Variants in NKAIN2 observed in about 807,000 individuals in gnomAD.
NKAIN2 encodes sodium/potassium transporting ATPase interacting 2.
In NKAIN2, 14 loss-of-function variants were observed where a neutral mutation model predicts 32.6. The observed-to-expected ratio is 0.43, with a 90% CI of 0.28 to 0.67. The LOEUF (loss-of-function observed/expected upper bound fraction) is 0.67, where lower values mean the gene tolerates loss of function less well. NKAIN2 is among the 30% of genes least tolerant of loss of function. NKAIN2 has a pLI of 0.17. For missense variants in NKAIN2, 198 were observed against 258.3 expected (o/e 0.77, Z 1.60); for synonymous variants, 80 against 87.2 (o/e 0.92, Z 0.46).
At chr6:124,126,392 C>G (rs1251055758) in intron 1 of NKAIN2, among the ~76,000 whole-genome samples, 1 of 152,134 alleles carries the variant, frequency 6.6e-6, no homozygotes, top group Non-Finnish European at 1.5e-5. Context: ...CCTTCATTCT[C>G]CCTCTTACTT....
chr6:124,104,985 T>C (rs138858538), intron 1 of NKAIN2, among the ~76,000 whole-genome samples: 50 of 152,272 alleles, frequency 3.3e-4, no homozygotes, highest in Non-Finnish European at 4.4e-4. Flanking sequence ...CTGTCAATGT[T>C]GGACTTTGAA....
At chr6:124,345,086 A>C (rs191472056) in intron 2 of NKAIN2, among the ~76,000 whole-genome samples, 2 of 152,258 alleles carry the variant, frequency 1.3e-5, no homozygotes, top group South Asian at 2.1e-4. Context: ...ATCTATTGAG[A>C]TAATCATGTG....
chr6:124,265,283 C>T (rs573327578), intron 1 of NKAIN2, among the ~76,000 whole-genome samples: 347 of 151,522 alleles, frequency 2.3e-3, no homozygotes, highest in African/African-American at 8.0e-3. Flanking sequence ...TTTTTAACAA[C>T]GGAAACAAAC....
intron 1 of NKAIN2, among the ~76,000 whole-genome samples, chr6:124,234,209 A>G (rs995380335): frequency 9.2e-5 from 14 of 152,132 alleles, no homozygotes; most frequent in Admixed American, 7.2e-4. Context: ...TGAACATGAC[A>G]CTTCAATGCT....
At chr6:124,403,818 C>T (rs1004705873) in intron 3 of NKAIN2, among the ~76,000 whole-genome samples, 9 of 152,160 alleles carry the variant, frequency 5.9e-5, no homozygotes, top group Non-Finnish European at 4.4e-5. Context: ...CTGTTAAACA[C>T]ATCCTTTGAA....
intron 5 of NKAIN2, among the ~76,000 whole-genome samples, chr6:124,795,178 C>T (rs1562387584): frequency 6.6e-6 from 1 of 152,144 alleles, no homozygotes; most frequent in East Asian, 1.9e-4. Context: ...TGAGGAACAG[C>T]GGACAGTTTT....
intron 4 of NKAIN2, among the ~76,000 whole-genome samples, chr6:124,762,806 G>C (rs1378001610): frequency 6.6e-6 from 1 of 152,156 alleles, no homozygotes; most frequent in East Asian, 1.9e-4. Flanking sequence ...GACTATCGGA[G>C]AGCGTTGGTT....
At chr6:124,700,342 T>G (rs1338387427) in intron 4 of NKAIN2, among the ~76,000 whole-genome samples, 1 of 152,190 alleles carries the variant, frequency 6.6e-6, no homozygotes, top group Non-Finnish European at 1.5e-5. Flanking sequence ...TTAGTATTAC[T>G]TCTGTTCGCT....
chr6:124,553,338 G>A (rs543955872), intron 3 of NKAIN2, among the ~76,000 whole-genome samples: 13 of 152,110 alleles, frequency 8.5e-5, no homozygotes, highest in African/African-American at 2.6e-4. Context: ...ACAGAGTTTC[G>A]CTCTTGTTGC....
chr6:124,702,768 T>C (rs1487170533), intron 4 of NKAIN2, among the ~76,000 whole-genome samples: 2 of 152,024 alleles, frequency 1.3e-5, no homozygotes. Flanking sequence ...ACATCGGTCA[T>C]TACAATTCCA....
At chr6:123,977,431 G>C (rs1302565514) in intron 1 of NKAIN2, among the ~76,000 whole-genome samples, 1 of 151,908 alleles carries the variant, frequency 6.6e-6, no homozygotes, top group Non-Finnish European at 1.5e-5. Flanking sequence ...CAAACAAAAA[G>C]CTACTTAGTT....
chr6:124,762,755 G>A (rs918880535), intron 4 of NKAIN2, among the ~76,000 whole-genome samples: 2 of 152,140 alleles, frequency 1.3e-5, no homozygotes, highest in Non-Finnish European at 2.9e-5. Flanking sequence ...GGAAAACAAA[G>A]GACTCATTAA....
At chr6:124,440,843 GC>G (rs1311157665) in intron 3 of NKAIN2, among the ~76,000 whole-genome samples, 1 of 152,058 alleles carries the variant, frequency 6.6e-6, no homozygotes, top group African/African-American at 2.4e-5. Flanking sequence ...AATCTGTACA[GC>G]CTAGAATTAT....
intron 3 of NKAIN2, among the ~76,000 whole-genome samples, chr6:124,441,092 G>A (rs1249945505): frequency 1.3e-5 from 2 of 152,000 alleles, no homozygotes; most frequent in Non-Finnish European, 2.9e-5. Flanking sequence ...TATAAAGCTG[G>A]AAGCTTATGA....
intron 2 of NKAIN2, among the ~76,000 whole-genome samples, chr6:124,340,129 G>C (rs1283360013): frequency 2.0e-5 from 3 of 152,060 alleles, no homozygotes; most frequent in Non-Finnish European, 4.4e-5. Context: ...CATATTATTT[G>C]CTGACTGGCC....
chr6:124,276,149 T>C (rs766819789), intron 1 of NKAIN2, among the ~76,000 whole-genome samples: 2 of 152,126 alleles, frequency 1.3e-5, no homozygotes, highest in African/African-American at 2.4e-5. Context: ...TTTATTTCCT[T>C]AATTTTTTTG....
chr6:124,679,437 C>T (rs1773516320), intron 4 of NKAIN2, among the ~76,000 whole-genome samples: 1 of 152,162 alleles, frequency 6.6e-6, no homozygotes, highest in Admixed American at 6.5e-5. Flanking sequence ...CCTTCCCTAC[C>T]TAGGAAGAAG....
chr6:124,482,860 C>A (rs1271248733), intron 3 of NKAIN2, among the ~76,000 whole-genome samples: 1 of 152,144 alleles, frequency 6.6e-6, no homozygotes, highest in Non-Finnish European at 1.5e-5. Context: ...GGTGGCTGGG[C>A]GCGGTGGCTC....
chr6:124,575,629 A>C (rs1317013985), intron 3 of NKAIN2, among the ~76,000 whole-genome samples: 1 of 152,198 alleles, frequency 6.6e-6, no homozygotes, highest in Non-Finnish European at 1.5e-5. Flanking sequence ...TTGTGCCACC[A>C]GGCCTGCATC....
Sources: allele counts gnomAD v4.1 joint callset (sites outside exome capture counted in the v4.1 genomes callset), GRCh38; gene constraint gnomAD v4.1.1; transcripts MANE v1.5; gene names NCBI Gene and HGNC (gene_info 2026-07-23, HGNC 2026-07-21).